PRELID2: variants seen among roughly 807,000 people sequenced by gnomAD.
The protein encoded by PRELID2 is PRELI domain containing 2.
Under a neutral mutation model 28.4 loss-of-function variants are expected in PRELID2, and 25 were observed. The ratio of observed to expected loss-of-function variants is 0.88; its 90% CI spans 0.64 to 1.23. The LOEUF is 1.23. PRELID2 is among the 50% of genes most tolerant of loss of function. The pLI is 0.00. For missense variants in PRELID2, 201 were observed against 214.4 expected (o/e 0.94, Z 0.39); for synonymous variants, 76 against 71.6 (o/e 1.06, Z -0.31).
At chr5:145,709,142 C>A (rs1221404496) in intron 1 of PRELID2, among the ~76,000 whole-genome samples, 2 of 152,160 alleles carry the variant, frequency 1.3e-5, no homozygotes, top group African/African-American at 4.8e-5. Flanking sequence ...TGCGTCTTTT[C>A]CTGGACCGCC....
chr5:145,431,232 G>T, the PRELID2 span, among the ~76,000 whole-genome samples: 1 of 151,788 alleles, frequency 6.6e-6, no homozygotes, highest in Non-Finnish European at 1.5e-5. Flanking sequence ...CTTCCCAAAT[G>T]AAATAATTGT....
the PRELID2 span, among the ~76,000 whole-genome samples, chr5:145,257,891 T>C: frequency 6.6e-6 from 1 of 152,098 alleles, no homozygotes; most frequent in African/African-American, 2.4e-5. Context: ...GGGAGGTGAT[T>C]GGACCATGGT....
chr5:145,785,279 G>A (rs1488029227), intron 5 of PRELID2, among the ~76,000 whole-genome samples: 1 of 152,142 alleles, frequency 6.6e-6, no homozygotes, highest in African/African-American at 2.4e-5. Context: ...CTAATCAAGG[G>A]CCAAGAAGCT....
chr5:145,422,648 T>C, the PRELID2 span, among the ~76,000 whole-genome samples: 3 of 152,086 alleles, frequency 2.0e-5, no homozygotes, highest in African/African-American at 4.8e-5. Flanking sequence ...TGAGATGGGT[T>C]TCCTGAATAC....
chr5:145,249,164 C>T, the PRELID2 span, among the ~76,000 whole-genome samples: 1 of 152,210 alleles, frequency 6.6e-6, no homozygotes, highest in East Asian at 1.9e-4. Flanking sequence ...AATAGAGAAA[C>T]TTAGAATTCT....
Position 145,487,848 on chromosome 5 carries a change from G to A in PRELID2, n.71-14533C>T, listed in dbSNP as rs117255387. On this transcript the variant is annotated intron_variant and non_coding_transcript_variant, in intron 1 of 2. Coordinates refer to the PRELID2 transcript ENST00000510259. Reference sequence around the variant, plus strand: ...AAATCAAGAAATGGAATTGGAGGCCGGGCGCGTGGCTCATGCCTGTAATCC... The same window carrying A: ...AAATCAAGAAATGGAATTGGAGGCCAGGCGCGTGGCTCATGCCTGTAATCC... 6.3e-4 allele frequency among the ~76,000 whole-genome samples: 96 copies of A among 151,764 alleles called. No individual in the cohort carries two copies. The East Asian group carries it at 0.011, about 18-fold the overall frequency.
intron 1 of PRELID2, among the ~76,000 whole-genome samples, chr5:145,651,126 A>T (rs1283782066): frequency 1.3e-5 from 2 of 152,206 alleles, no homozygotes; most frequent in Non-Finnish European, 2.9e-5. Context: ...CGCCTGGCTC[A>T]GAGGGTCCCA....
chr5:145,255,026 T>G, the PRELID2 span, among the ~76,000 whole-genome samples: 1 of 151,934 alleles, frequency 6.6e-6, no homozygotes, highest in African/African-American at 2.4e-5. Flanking sequence ...AGACTACAAC[T>G]AAATTGCTCC....
chr5:145,307,896 CCACCTGG>C, the PRELID2 span, among the ~76,000 whole-genome samples: 2 of 152,176 alleles, frequency 1.3e-5, no homozygotes, highest in African/African-American at 4.8e-5. Flanking sequence ...ATTTACCAGG[CCACCTGG>C]CAGAGGTGCT....
the PRELID2 span, among the ~76,000 whole-genome samples, chr5:145,274,018 A>T: frequency 1.3e-5 from 2 of 152,168 alleles, no homozygotes; most frequent in Middle Eastern, 3.2e-3. Context: ...ATGGAGAGGT[A>T]GGGCCTGGCA....
the PRELID2 span, among the ~76,000 whole-genome samples, chr5:145,280,405 T>G: frequency 6.6e-6 from 1 of 152,160 alleles, no homozygotes; most frequent in Non-Finnish European, 1.5e-5. Context: ...ATCGTAAATT[T>G]AAACAGAGTA....
intron 1 of PRELID2, among the ~76,000 whole-genome samples, chr5:145,728,116 T>C (rs1756226805): frequency 6.6e-6 from 1 of 152,204 alleles, no homozygotes; most frequent in Non-Finnish European, 1.5e-5. Context: ...TCTACGTTTG[T>C]ACCTCTTTAG....
At chr5:145,442,972 C>A in the PRELID2 span, among the ~76,000 whole-genome samples, 2 of 151,942 alleles carry the variant, frequency 1.3e-5, no homozygotes, top group African/African-American at 4.8e-5. Context: ...GCATTTATAG[C>A]CCTATCTTAT....
At chr5:145,329,744 C>G in the PRELID2 span, among the ~76,000 whole-genome samples, 1 of 152,186 alleles carries the variant, frequency 6.6e-6, no homozygotes, top group Non-Finnish European at 1.5e-5. Flanking sequence ...AACTTGGCTT[C>G]TCTCTCCCTA....
chr5:145,418,938 T>A, the PRELID2 span, among the ~76,000 whole-genome samples: 1 of 147,380 alleles, frequency 6.8e-6, no homozygotes, highest in Non-Finnish European at 1.5e-5. Flanking sequence ...GTCCATGTAA[T>A]CTCATTGTTC....
the PRELID2 span, among the ~76,000 whole-genome samples, chr5:145,358,552 C>T: frequency 6.6e-6 from 1 of 152,022 alleles, no homozygotes; most frequent in African/African-American, 2.4e-5. Context: ...CAGATGAAAA[C>T]AGTTGCTAGC....
At chr5:145,489,858 T>G (rs1228812013) in intron 1 of PRELID2, among the ~76,000 whole-genome samples, 1 of 152,220 alleles carries the variant, frequency 6.6e-6, no homozygotes, top group Non-Finnish European at 1.5e-5. Context: ...CTTTCAGTCA[T>G]GAAATACATA....
chr5:145,513,647 C>T (rs976414583), intron 1 of PRELID2, among the ~76,000 whole-genome samples: 1 of 152,094 alleles, frequency 6.6e-6, no homozygotes, highest in Admixed American at 6.6e-5. Flanking sequence ...ACAGAGAACA[C>T]CACGAAGATA....
chr5:145,793,641 A>T (rs1158783073), intron 5 of PRELID2, among the ~76,000 whole-genome samples: 3 of 152,200 alleles, frequency 2.0e-5, no homozygotes, highest in African/African-American at 7.2e-5. Flanking sequence ...TAAGCATAAT[A>T]AATGAGAATA....
Sources: allele counts gnomAD v4.1 joint callset (sites outside exome capture counted in the v4.1 genomes callset), GRCh38; gene constraint gnomAD v4.1.1; transcripts MANE v1.5; gene names NCBI Gene and HGNC (gene_info 2026-07-23, HGNC 2026-07-21).